The following ITGA5 variants were observed in gnomAD, a reference collection of about 807,000 sequenced individuals.
ITGA5 encodes the protein integrin subunit alpha 5, also known as integrin alpha-5.
Under a neutral mutation model 146.3 loss-of-function variants are expected in ITGA5, and 55 were observed. The observed-to-expected ratio is 0.38, with a 90% CI of 0.30 to 0.47. The LOEUF (loss-of-function observed/expected upper bound fraction) is 0.47. Among genes scored for constraint, ITGA5 ranks in the 20% least tolerant of loss-of-function variants. The pLI is 0.99. For missense variants in ITGA5, 1,131 were observed against 1,329.0 expected (o/e 0.85, Z 2.32); for synonymous variants, 500 against 531.8 (o/e 0.94, Z 0.82).
Position 54,409,444 on chromosome 12 carries a change from A to G in ITGA5, c.462+41T>C. The G allele has an allele frequency of 3.1e-6, 5 of 1,610,666 alleles. No homozygotes were observed. The highest frequency in any genetic ancestry group is 4.2e-6 in the Non-Finnish European group (5 of 1,177,380). ...GCCCGGCCTTACCCAACCACTGCCC[A>G]TCCCCTGGCCACCACACCACTGAGC... On this transcript the variant is annotated intron_variant, in intron 3 of 29. Transcript: ENST00000293379. This position sits in a 1 kb window ranked among gnomAD's most constrained non-coding sequence, Gnocchi z 4.7.
intron 1 of ITGA5, among the ~76,000 whole-genome samples, chr12:54,414,695 A>G (rs1296991394): frequency 6.6e-6 from 1 of 150,832 alleles, no homozygotes; most frequent in Non-Finnish European, 1.5e-5. Flanking sequence ...AAATACAAAA[A>G]AATTATCCGG....
intron 28 of ITGA5, among the ~76,000 whole-genome samples, chr12:54,398,289 C>T (rs1358864647): frequency 6.6e-6 from 1 of 152,200 alleles, no homozygotes; most frequent in African/African-American, 2.4e-5. Flanking sequence ...TCAGCTTGAA[C>T]ATCACTTCTT....
chr12:54,398,835 CTTTTTTTTTT>C lies in ITGA5; in HGVS notation c.2842-147_2842-138del, dbSNP rs34443272. The C allele has an allele frequency of 2.3e-5, 5 of 220,534 alleles. No homozygotes were observed. In the East Asian group the frequency reaches 4.5e-4, roughly 20 times the overall value. The allele number at this position is 220,534 out of a possible 1,614,324, so 13.7% of individuals were successfully genotyped here. A position where few individuals can be genotyped will look rare whatever the true frequency, so the allele number is the denominator to read the frequency against. On this transcript the variant is annotated intron_variant, in intron 27 of 29. Transcript: ENST00000293379. ...CCTGAGTCTCTCTCTCTCTCTCTCT[CTTTTTTTTTT>C]TTTTTTTTTTTTGAGACTAGGTCTC...
Position 54,409,323 on chromosome 12 carries a change from T to C in ITGA5, c.492A>G (p.Thr164=), listed in dbSNP as rs201271481. The change falls in exon 4 of 30, where the codon ACA becomes ACG. Residue 164 remains threonine (T), a synonymous_variant. Coordinates refer to ENST00000293379, the MANE Select transcript of ITGA5 (RefSeq NM_002205.5). The surrounding 1 kb of genome is among the most constrained non-coding windows in gnomAD (Gnocchi z 4.7). Reference sequence around the variant, plus strand: ...CGGGGTCGCTCAGTGGCTCCTTCTCTGTGCGCCAGCTGTACAGTGGAGCGC... The same window carrying C: ...CGGGGTCGCTCAGTGGCTCCTTCTCCGTGCGCCAGCTGTACAGTGGAGCGC... ...LACAPLYSWR[T]EKEPLSDPVG... is the part of the protein sequence containing the mutation. The C allele has an allele frequency of 5.6e-6, 9 of 1,613,748 alleles. No homozygotes were observed. In the African/African-American group the frequency reaches 1.2e-4, roughly 22 times the overall value.
At chr12:54,404,502 T>TA in intron 13 of ITGA5, 27 bp from the exon 14 acceptor site, 1 of 1,613,530 alleles carries the variant, frequency 6.2e-7, no homozygotes, top group Admixed American at 1.7e-5. Flanking sequence ...AATCACCTCT[T>TA]ACAGCAAGCC....
At position 54,416,319 on chromosome 12, in the gene ITGA5, C is replaced by T. The variant is rs958295523; in HGVS notation, c.218+2662G>A. ...TCCTGACCTCAGGTGATCCACCCAC[C>T]TCCGCCTCCCAAAGTGCTGGCATTA... On this transcript the variant is annotated intron_variant, in intron 1 of 29. Coordinates refer to ENST00000293379, the MANE Select transcript of ITGA5 (RefSeq NM_002205.5). This position sits in a 1 kb window ranked among gnomAD's most constrained non-coding sequence, Gnocchi z 4.1. Among the ~76,000 whole-genome samples the T allele has an allele frequency of 6.6e-6, 1 of 152,222 alleles. No individual in the cohort carries two copies. Among genetic ancestry groups the T allele is most frequent in the Non-Finnish European group, 1.5e-5 (1 of 68,030 alleles).
chr12:54,400,478 G>C (rs1955772590), intron 25 of ITGA5: 1 of 207,920 alleles, frequency 4.8e-6, no homozygotes, highest in Non-Finnish European at 9.7e-6. Flanking sequence ...AATATTTCCT[G>C]GGCCTAACAG....
In ITGA5 at chr12:54,416,981, G is replaced by T. The variant is rs11170894; in HGVS notation, c.218+2000C>A. Among the ~76,000 whole-genome samples, 437 of 152,288 alleles carry T rather than the reference G, an allele frequency of 2.9e-3. 2 individuals carry two copies. Among genetic ancestry groups the T allele is most frequent in the African/African-American group, 0.01 (423 of 41,534 alleles). On this transcript the variant is annotated intron_variant, in intron 1 of 29. Transcript: ENST00000293379. The surrounding 1 kb of genome is among the most constrained non-coding windows in gnomAD (Gnocchi z 4.1). ...GTGTTTGTCTTGTGTTGTGGGAAAGGGGGTGAAGGCCTAGCTGTGGTGGGA... is the reference window on the plus strand; with the variant it reads ...GTGTTTGTCTTGTGTTGTGGGAAAGTGGGTGAAGGCCTAGCTGTGGTGGGA...
chr12:54,401,129 G>C lies in ITGA5; in HGVS notation c.2494-134C>G. ...CAGAGATGAAGCAGGGAAGCAATGG[G>C]CAGAGGTGAAATCCTCTCTAGCCAA... On this transcript the variant is annotated intron_variant, in intron 24 of 29. Coordinates refer to ENST00000293379, the MANE Select transcript of ITGA5 (RefSeq NM_002205.5). The surrounding 1 kb of genome is among the most constrained non-coding windows in gnomAD (Gnocchi z 5.0). 1.0e-6 allele frequency: 1 copy of C among 972,426 alleles called. No individual in the cohort carries two copies. Among genetic ancestry groups the C allele is most frequent in the Non-Finnish European group, 1.5e-6 (1 of 658,212 alleles). The allele number at this position is 972,426 out of a possible 1,614,324, so 60.2% of individuals were successfully genotyped here. A position where few individuals can be genotyped will look rare whatever the true frequency, so the allele number is the denominator to read the frequency against.
In ITGA5 at chr12:54,399,713, G is replaced by T; in HGVS notation, c.2773C>A (p.Pro925Thr). 1 of 1,614,190 alleles carries T rather than the reference G, an allele frequency of 6.2e-7. No individual in the cohort carries two copies. The highest frequency in any genetic ancestry group is 2.2e-5 in the East Asian group (1 of 44,890). The change falls in exon 27 of 30, where the codon CCC becomes ACC. Residue 925 changes from proline (P) to threonine (T), a missense_variant. By Grantham distance (38) the Pro-to-Thr change is conservative. This residue lies in a region of ITGA5 where 889 missense variants were observed against 1,021.5 expected (regional missense o/e 0.87). Transcript: ENST00000293379. Reference protein sequence around the residue: ...ECFRLRCELGPLHQQESQSLQ... With the variant: ...ECFRLRCELGTLHQQESQSLQ... ...CTTTGGCTCTCTTGTTGGTGCAGGG[G>T]CCCGAGCTCACAGCGCAGCCTGAAA...
intron 1 of ITGA5, among the ~76,000 whole-genome samples, chr12:54,414,576 G>A (rs1592294084): frequency 6.6e-6 from 1 of 152,226 alleles, no homozygotes; most frequent in Non-Finnish European, 1.5e-5. Flanking sequence ...GCCAGGTGCG[G>A]TGGCTCACGC....
chr12:54,397,135 A>G (rs1215713635), intron 29 of ITGA5: 1 of 395,652 alleles, frequency 2.5e-6, no homozygotes, highest in Non-Finnish European at 4.6e-6. Context: ...TGATTTTGCA[A>G]GTATAGGCAA....
intron 6 of ITGA5, 111 bp from the exon 7 acceptor site, chr12:54,408,346 A>C: frequency 8.2e-7 from 1 of 1,224,544 alleles, no homozygotes. Flanking sequence ...AAAGGGAAGC[A>C]TGGGGAGGGT....
At chr12:54,418,225 A>C (rs1047240258) in intron 1 of ITGA5, among the ~76,000 whole-genome samples, 2 of 141,952 alleles carry the variant, frequency 1.4e-5, no homozygotes, top group South Asian at 2.3e-4. Flanking sequence ...GCGCGCACAC[A>C]CCCCTCCCGA....
At position 54,403,995 on chromosome 12, in the gene ITGA5, G is replaced by A; in HGVS notation, c.1566-29C>T. The A allele has an allele frequency of 6.2e-7, 1 of 1,611,714 alleles. No individual in the cohort carries two copies. Among genetic ancestry groups the A allele is most frequent in the Non-Finnish European group, 8.5e-7 (1 of 1,177,838 alleles). ...GAGAGAGACCAAGAAGAAAGCTGGT[G>A]AATCCAACTGGAACAGACATCCTAT... On this transcript the variant is annotated intron_variant, in intron 15 of 29. Transcript: ENST00000293379. The surrounding 1 kb of genome is among the most constrained non-coding windows in gnomAD (Gnocchi z 4.9).
At chr12:54,396,465 A>G in intron 29 of ITGA5, 89 bp from the exon 30 acceptor site, 1 of 1,032,774 alleles carries the variant, frequency 9.7e-7, no homozygotes, top group Non-Finnish European at 1.5e-6. Flanking sequence ...GGAGGACTCT[A>G]GTGCCTCCAA....
intron 29 of ITGA5, 22 bp downstream of exon 29, chr12:54,397,343 T>A: frequency 6.2e-7 from 1 of 1,613,368 alleles, no homozygotes; most frequent in East Asian, 2.2e-5. Flanking sequence ...GGTGGCCAAG[T>A]CACAAGCAGG....
At chr12:54,398,829 C>A in intron 27 of ITGA5, 131 bp from the exon 28 acceptor site, 1 of 469,704 alleles carries the variant, frequency 2.1e-6, no homozygotes, top group Non-Finnish European at 3.7e-6. Context: ...CTCTCTCTCT[C>A]TCTCTCTTTT....
chr12:54,411,148 C>T (rs1174294832), intron 2 of ITGA5, among the ~76,000 whole-genome samples: 1 of 152,240 alleles, frequency 6.6e-6, no homozygotes, highest in Non-Finnish European at 1.5e-5. Context: ...AGGCACATGC[C>T]ACCGTGCCCA....
Sources: allele counts gnomAD v4.1 joint callset (sites outside exome capture counted in the v4.1 genomes callset), GRCh38; gene constraint gnomAD v4.1.1; regional missense constraint gnomAD v4.1.1; non-coding constraint Gnocchi (gnomAD v3.1); transcripts MANE v1.5; gene names NCBI Gene and HGNC (gene_info 2026-07-23, HGNC 2026-07-21).